Variants in UBR1 observed in about 807,000 individuals in gnomAD.
UBR1 encodes the protein ubiquitin protein ligase E3 component n-recognin 1.
UBR1 carries 102 observed loss-of-function variants against 242.1 expected under a neutral mutation model. The observed-to-expected ratio is 0.42, with a 90% CI of 0.36 to 0.50. UBR1 has a LOEUF of 0.50. Ranked by LOEUF, UBR1 falls within the 20% of genes least tolerant of loss-of-function variation. The probability of loss-of-function intolerance (pLI) is 0.01; values close to 1 mark genes in which losing one functional copy is unlikely to be tolerated. For missense variants in UBR1, 1,772 were observed against 2,101.8 expected (o/e 0.84, Z 3.07); for synonymous variants, 675 against 684.8 (o/e 0.99, Z 0.22).
chr15:43,098,890 G>C (rs1039912858), intron 1 of UBR1, among the ~76,000 whole-genome samples: 4 of 152,150 alleles, frequency 2.6e-5, no homozygotes, highest in African/African-American at 9.7e-5. Flanking sequence ...ATTTTCATCA[G>C]TTTTCCCACT....
intron 40 of UBR1, among the ~76,000 whole-genome samples, chr15:42,968,628 C>T (rs1039842525): frequency 6.6e-6 from 1 of 152,010 alleles, no homozygotes. Context: ...CCCAGCAACC[C>T]GTCATCTACA....
In UBR1 at chr15:42,950,243, T is replaced by A; in HGVS notation, c.5108+19A>T. The A allele has an allele frequency of 6.2e-7, 1 of 1,602,826 alleles. No homozygotes were observed. Among genetic ancestry groups the A allele is most frequent in the Non-Finnish European group, 8.5e-7 (1 of 1,169,796 alleles). ...AGAGAACTTACTGAAACCTTCCTATTATATAAAAAAAATCTTACTTCAGGC... is the reference window on the plus strand; with the variant it reads ...AGAGAACTTACTGAAACCTTCCTATAATATAAAAAAAATCTTACTTCAGGC... On this transcript the variant is annotated intron_variant, in intron 46 of 46. Transcript: ENST00000290650.
chr15:42,948,938 C>T (rs2031782050), intron 46 of UBR1, among the ~76,000 whole-genome samples: 1 of 152,052 alleles, frequency 6.6e-6, no homozygotes, highest in Admixed American at 6.6e-5. Context: ...GGTATATAAC[C>T]AAAGGACTAT....
At chr15:42,979,211 T>TTTA (rs2032338210) in intron 37 of UBR1, among the ~76,000 whole-genome samples, 1 of 144,426 alleles carries the variant, frequency 6.9e-6, no homozygotes, top group African/African-American at 2.6e-5. Flanking sequence ...CTTTTTTTCT[T>TTTA]TTTTTTTTTT....
chr15:43,081,438 A>G (rs968995833), intron 3 of UBR1, among the ~76,000 whole-genome samples: 60 of 151,032 alleles, frequency 4.0e-4, no homozygotes, highest in Non-Finnish European at 7.4e-4. Context: ...AAAAAAAAAA[A>G]AAAGAAAAGT....
chr15:42,965,425 T>C (rs1236674954), intron 41 of UBR1, among the ~76,000 whole-genome samples: 6 of 151,966 alleles, frequency 3.9e-5, no homozygotes, highest in Admixed American at 2.6e-4. Context: ...AGTAGGCCTT[T>C]CCTAGCAGCA....
In UBR1 at chr15:42,943,599, G is replaced by A. The variant is rs1464242644; in HGVS notation, c.*1730C>T. The A allele has an allele frequency of 2.0e-5, 3 of 152,180 alleles. No homozygotes were observed. The highest frequency in any genetic ancestry group is 2.4e-5 in the African/African-American group (1 of 41,416). The allele number at this position is 152,180 out of a possible 1,614,324, so 9.4% of individuals were successfully genotyped here. ...ATAAAAAGGACTAAAAATAAAGTCA[G>A]TTTATCTTTGCTAAATTGGGGCCCA... On this transcript the variant is annotated 3_prime_UTR_variant, in exon 47 of 47. Coordinates refer to ENST00000290650, the MANE Select transcript of UBR1 (RefSeq NM_174916.3).
intron 3 of UBR1, among the ~76,000 whole-genome samples, chr15:43,078,175 T>C (rs1017519509): frequency 1.3e-5 from 2 of 152,138 alleles, no homozygotes; most frequent in Admixed American, 6.5e-5. Context: ...GGATGAAACC[T>C]GAACATGAGT....
chr15:43,060,335 T>C (rs541470474), intron 6 of UBR1, among the ~76,000 whole-genome samples: 1 of 152,350 alleles, frequency 6.6e-6, no homozygotes, highest in South Asian at 2.1e-4. Context: ...GTCTATAGTT[T>C]AAGATGCTGA....
intron 5 of UBR1, among the ~76,000 whole-genome samples, chr15:43,068,620 G>A (rs1451253103): frequency 6.7e-6 from 1 of 150,096 alleles, no homozygotes; most frequent in Non-Finnish European, 1.5e-5. Flanking sequence ...ATGTTTTTGG[G>A]TTTTGTTTTG....
chr15:43,037,410 C>T (rs2033351537), intron 17 of UBR1, among the ~76,000 whole-genome samples: 1 of 150,832 alleles, frequency 6.6e-6, no homozygotes, highest in African/African-American at 2.4e-5. Flanking sequence ...CATATTTACT[C>T]CAAAATAGAA....
intron 41 of UBR1, 82 bp downstream of exon 41, chr15:42,966,071 T>C (rs754914882): frequency 2.5e-6 from 4 of 1,598,698 alleles, no homozygotes; most frequent in Non-Finnish European, 3.4e-6. Flanking sequence ...TTTATCTGCT[T>C]TAACCTTGTA....
intron 6 of UBR1, among the ~76,000 whole-genome samples, chr15:43,063,333 C>A (rs140797659): frequency 2.0e-5 from 3 of 152,324 alleles, no homozygotes; most frequent in African/African-American, 7.2e-5. Flanking sequence ...CACAGCCCCA[C>A]GCTTTCCCAA....
In UBR1 at chr15:43,070,914, A is replaced by G; in HGVS notation, c.540T>C (p.Cys180=). The change falls in exon 5 of 47, where the codon TGT becomes TGC. Residue 180 remains cysteine, a synonymous_variant. Coordinates refer to ENST00000290650, the MANE Select transcript of UBR1 (RefSeq NM_174916.3). ...RAGTIKENSR[C]PLNEEVIVQA... is the part of the protein sequence containing the mutation. ...GGACAATTACCTCTTCATTCAACGG[A>G]CAGCGTGAATTCTATAAAAAAGCCG... The G allele has an allele frequency of 6.2e-7, 1 of 1,613,416 alleles. No homozygotes were observed. Among genetic ancestry groups the G allele is most frequent in the Non-Finnish European group, 8.5e-7 (1 of 1,179,968 alleles).
At chr15:43,094,944 C>T (rs1396757504) in intron 1 of UBR1, among the ~76,000 whole-genome samples, 1 of 152,174 alleles carries the variant, frequency 6.6e-6, no homozygotes, top group Non-Finnish European at 1.5e-5. Context: ...TTTGTCCCTC[C>T]TAAGGGACAA....
intron 14 of UBR1, among the ~76,000 whole-genome samples, chr15:43,046,351 T>G (rs532178595): frequency 3.3e-5 from 5 of 152,324 alleles, no homozygotes; most frequent in African/African-American, 1.2e-4. Context: ...AGATTATAGT[T>G]CACAGGGGTG....
intron 30 of UBR1, among the ~76,000 whole-genome samples, chr15:43,004,432 G>A (rs369971159): frequency 8.5e-4 from 130 of 152,134 alleles, no homozygotes; most frequent in East Asian, 2.5e-3. Context: ...TGTGAAAGCC[G>A]AGGCTGGACT....
chr15:43,068,706 C>T (rs1408960001), intron 5 of UBR1, among the ~76,000 whole-genome samples: 1 of 151,824 alleles, frequency 6.6e-6, no homozygotes, highest in Non-Finnish European at 1.5e-5. Context: ...CTGCAACCTC[C>T]GCCTCCCGTG....
chr15:43,002,264 A>G (rs2032737304), intron 32 of UBR1, among the ~76,000 whole-genome samples: 1 of 152,302 alleles, frequency 6.6e-6, no homozygotes, highest in East Asian at 1.9e-4. Context: ...CCCAGGCTGG[A>G]GTGCAGTGGG....
Sources: gnomAD v4.1 joint callset for allele counts (sites outside exome capture counted in the v4.1 genomes callset) on GRCh38, gnomAD v4.1.1 for gene constraint, MANE v1.5 for transcripts, NCBI Gene and HGNC (gene_info 2026-07-23, HGNC 2026-07-21) for gene names.